Variants in RYR3 observed in about 807,000 individuals in gnomAD.
The protein encoded by RYR3 is ryanodine receptor 3, also known as brain ryanodine receptor-calcium release channel.
RYR3 carries 207 observed loss-of-function variants against 584.3 expected under a neutral mutation model. The ratio of observed to expected loss-of-function variants is 0.35; its 90% CI spans 0.32 to 0.40. The LOEUF is 0.40. Among genes scored for constraint, RYR3 ranks in the 10% least tolerant of loss-of-function variants. The pLI, the probability that RYR3 is intolerant of heterozygous loss-of-function variation, is 1.00. For missense variants in RYR3, 5,616 were observed against 6,089.2 expected (o/e 0.92, Z 2.59); for synonymous variants, 2,416 against 2,248.5 (o/e 1.07, Z -2.11).
intron 1 of RYR3, among the ~76,000 whole-genome samples, chr15:33,338,442 A>G (rs943859415): frequency 2.0e-5 from 3 of 152,222 alleles, no homozygotes; most frequent in African/African-American, 7.2e-5. Flanking sequence ...TCTGCATTTT[A>G]CATAAGAGAA....
intron 12 of RYR3, among the ~76,000 whole-genome samples, chr15:33,577,353 C>T (rs1450564079): frequency 6.6e-6 from 1 of 152,172 alleles, no homozygotes; most frequent in Non-Finnish European, 1.5e-5. Context: ...CATCACACTA[C>T]CCAACTTCAA....
At chr15:33,669,186 A>C (rs1282612533) in intron 36 of RYR3, among the ~76,000 whole-genome samples, 168 bp from the exon 37 acceptor site, 1 of 152,064 alleles carries the variant, frequency 6.6e-6, no homozygotes, top group Non-Finnish European at 1.5e-5. Flanking sequence ...TTTTAGAATC[A>C]GGAAAAGGTG....
chr15:33,607,762 C>T (rs747235819), intron 18 of RYR3, among the ~76,000 whole-genome samples: 7 of 151,938 alleles, frequency 4.6e-5, no homozygotes, highest in Admixed American at 2.6e-4. Flanking sequence ...TACAGTGTCC[C>T]GGCAAACTTT....
intron 50 of RYR3, among the ~76,000 whole-genome samples, chr15:33,739,084 C>T (rs2069802499): frequency 6.6e-6 from 1 of 152,198 alleles, no homozygotes; most frequent in Non-Finnish European, 1.5e-5. Flanking sequence ...AACTGAGAGC[C>T]TCTGAATCCC....
rs200545120 is a variant in RYR3 at position 33,787,531 on chromosome 15, C to A, written c.9590-687C>A. Among the ~76,000 whole-genome samples the A allele has an allele frequency of 1.2e-4, 15 of 125,384 alleles. 1 individual carries two copies. The South Asian group carries it at 1.2e-3, about 10-fold the overall frequency. The allele number at this position is 125,384 out of a possible 152,430, so 82.3% of individuals were successfully genotyped here. ...TACTCTGGTCTTTAAAAAAAAAAAA[C>A]AAAAACAAACAAACAAAAACAATGG... On this transcript the variant is annotated intron_variant, in intron 66 of 103. Transcript: ENST00000634891.
intron 102 of RYR3, among the ~76,000 whole-genome samples, chr15:33,862,451 C>T (rs538837870): frequency 1.3e-5 from 2 of 152,308 alleles, no homozygotes; most frequent in South Asian, 4.2e-4. Flanking sequence ...AAGCTATCCA[C>T]CCACCTTGGC....
chr15:33,562,876 A>T lies in RYR3; in HGVS notation c.1012A>T (p.Ile338Leu). ...ATTAGACTCCAGTCACAAGCGAGAC[A>T]TAGAAGGCATGGGAGTTCCAGAAAT... ...EKLDSSHKRD[I>L]EGMGVPEIKY... Residue 338 changes from isoleucine to leucine, a missense_variant, in exon 11 of 104, where the codon ATA becomes TTA. This residue lies in a region of RYR3 where 1,284 missense variants were observed against 1,344.6 expected (regional missense o/e 0.95). Transcript: ENST00000634891. 1.2e-6 allele frequency: 2 copies of T among 1,613,560 alleles called. No individual in the cohort carries two copies. Among genetic ancestry groups the T allele is most frequent in the Non-Finnish European group, 1.7e-6 (2 of 1,179,540 alleles).
chr15:33,435,455 G>C (rs1235564238), intron 1 of RYR3, among the ~76,000 whole-genome samples: 1 of 152,094 alleles, frequency 6.6e-6, no homozygotes, highest in Non-Finnish European at 1.5e-5. Context: ...TTGGGGCTCT[G>C]GATATGTGTA....
chr15:33,543,762 T>C (rs1354392838), intron 8 of RYR3, 47 bp downstream of exon 8: 2 of 1,172,470 alleles, frequency 1.7e-6, no homozygotes, highest in Non-Finnish European at 2.6e-6. Context: ...CAGTCTCAAA[T>C]GACTCAAACT....
At chr15:33,506,750 G>A (rs145452882) in intron 3 of RYR3, among the ~76,000 whole-genome samples, 67 of 152,200 alleles carry the variant, frequency 4.4e-4, no homozygotes, top group African/African-American at 1.5e-3. Context: ...TTAGTCTTTC[G>A]TATGAAAAAT....
chr15:33,805,760 A>T (rs1460039911), intron 69 of RYR3, among the ~76,000 whole-genome samples: 1 of 151,988 alleles, frequency 6.6e-6, no homozygotes, highest in Non-Finnish European at 1.5e-5. Flanking sequence ...TACAGGCTTG[A>T]GCCACCACAC....
chr15:33,860,027 T>C (rs1363294156), intron 100 of RYR3, among the ~76,000 whole-genome samples: 2 of 152,190 alleles, frequency 1.3e-5, no homozygotes, highest in African/African-American at 2.4e-5. Flanking sequence ...CTGTGGCTAG[T>C]CTTGTCCTCT....
At chr15:33,428,146 A>G (rs1206896404) in intron 1 of RYR3, among the ~76,000 whole-genome samples, 1 of 152,206 alleles carries the variant, frequency 6.6e-6, no homozygotes, top group Non-Finnish European at 1.5e-5. Context: ...CCAATAGTGA[A>G]TGATCTAGGA....
At position 33,631,235 on chromosome 15, in the gene RYR3, A is replaced by G. The variant is rs759508910; in HGVS notation, c.2809A>G (p.Ile937Val). ...AACCCTCTTGGCCCTGGGGTGCCAC[A>G]TTGCTCATGTTAACCCAGCTGCTGA... ...LKTLLALGCH[I>V]AHVNPAAEED... Residue 937 changes from isoleucine to valine, a missense_variant, in exon 23 of 104, where the codon ATT (isoleucine) becomes GTT (valine). By Grantham distance (29) the Ile-to-Val change is conservative. Transcript: ENST00000634891. 3 of 1,590,944 alleles carry G rather than the reference A, an allele frequency of 1.9e-6. No individual in the cohort carries two copies. Among genetic ancestry groups the G allele is most frequent in the African/African-American group, 1.3e-5 (1 of 74,598 alleles).
intron 1 of RYR3, among the ~76,000 whole-genome samples, chr15:33,415,526 C>T (rs1567192923): frequency 6.6e-6 from 1 of 151,318 alleles, no homozygotes; most frequent in Non-Finnish European, 1.5e-5. Context: ...AATTACAGTA[C>T]AGTATGTAAG....
chr15:33,441,379 A>G (rs2046219239), intron 1 of RYR3, among the ~76,000 whole-genome samples: 1 of 152,208 alleles, frequency 6.6e-6, no homozygotes, highest in South Asian at 2.1e-4. Context: ...TATAGCACAT[A>G]TAATTTTCCA....
chr15:33,512,344 G>A (rs1328627645), intron 3 of RYR3, among the ~76,000 whole-genome samples: 2 of 152,168 alleles, frequency 1.3e-5, no homozygotes, highest in African/African-American at 4.8e-5. Context: ...AGAATTAAAC[G>A]TGAACTTCAA....
chr15:33,789,855 T>C (rs1359662508), intron 67 of RYR3, among the ~76,000 whole-genome samples: 3 of 145,280 alleles, frequency 2.1e-5, no homozygotes, highest in Admixed American at 2.1e-4. Context: ...TTTGGTATTT[T>C]AGTAGAGATG....
At chr15:33,529,267 C>T (rs992474252) in intron 3 of RYR3, among the ~76,000 whole-genome samples, 1 of 152,176 alleles carries the variant, frequency 6.6e-6, no homozygotes, top group Admixed American at 6.5e-5. Context: ...ATTTAGTTAC[C>T]GGCTTTTTTG....
Sources: gnomAD v4.1 joint callset for allele counts (sites outside exome capture counted in the v4.1 genomes callset) on GRCh38, gnomAD v4.1.1 for gene constraint, gnomAD v4.1.1 regional missense constraint, MANE v1.5 for transcripts, NCBI Gene and HGNC (gene_info 2026-07-23, HGNC 2026-07-21) for gene names.